Variants in CCDC62 observed in about 807,000 individuals in gnomAD.
CCDC62 encodes coiled-coil domain containing 62.
CCDC62 carries 72 observed loss-of-function variants against 80.8 expected under a neutral mutation model. The observed-to-expected ratio is 0.89, with a 90% CI of 0.74 to 1.08. The LOEUF (loss-of-function observed/expected upper bound fraction) is 1.08. CCDC62 is among the 50% of genes least tolerant of loss of function. The probability of loss-of-function intolerance (pLI) is 0.00; values close to 1 mark genes in which losing one functional copy is unlikely to be tolerated. For synonymous variants in CCDC62, 286 were observed against 296.5 expected, an observed-to-expected ratio of 0.96 and a Z score of 0.36; for missense variants, 704 against 809.4, an observed-to-expected ratio of 0.87 and a Z score of 1.58.
At chr12:122,812,453 AAAAG>A (rs2031934388) in intron 10 of CCDC62, among the ~76,000 whole-genome samples, 1 of 151,372 alleles carries the variant, frequency 6.6e-6, no homozygotes, top group African/African-American at 2.4e-5. Context: ...AAAAAAAAAA[AAAAG>A]AGGCCGGGTG....
At chr12:122,806,337 G>C in intron 10 of CCDC62, 42 bp downstream of exon 10, 2 of 1,530,640 alleles carry the variant, frequency 1.3e-6, no homozygotes. Context: ...CTCAAGCCAG[G>C]CCTCTCACCA....
intron 11 of CCDC62, among the ~76,000 whole-genome samples, chr12:122,814,195 T>C (rs12369710): frequency 0.84 from 126,884 of 150,404 alleles, 54,683 homozygotes; most frequent in East Asian, 0.99. Context: ...ACAGGAGAAT[T>C]GCTTGAACCC....
chr12:122,817,664 TCTC>T (rs1255105802), intron 11 of CCDC62, among the ~76,000 whole-genome samples: 1 of 152,182 alleles, frequency 6.6e-6, no homozygotes, highest in Non-Finnish European at 1.5e-5. Flanking sequence ...GCAACAGATG[TCTC>T]CTCCTTGTCC....
At position 122,801,656 on chromosome 12, in the gene CCDC62, T is replaced by G. The variant is rs990690474; in HGVS notation, c.1510T>G (p.Cys504Gly). 1 of 1,614,200 alleles carries G rather than the reference T, an allele frequency of 6.2e-7. No individual in the cohort carries two copies. Among genetic ancestry groups the G allele is most frequent in the African/African-American group, 1.3e-5 (1 of 75,044 alleles). The change falls in exon 9 of 13, where the codon TGT (cysteine) becomes GGT (glycine). Residue 504 changes from cysteine (C) to glycine (G), a missense_variant. Physicochemically the swap from Cys to Gly is radical, Grantham distance 159. Transcript: ENST00000253079. ...CTCATGCTGCCAGAAAAATGAAGCC[T>G]GTCTGGGCGAAAGTGGCATGTGTGA... ...EISCCQKNEA[C>G]LGESGMCDSK... is the part of the protein sequence containing the mutation.
intron 5 of CCDC62, among the ~76,000 whole-genome samples, chr12:122,789,884 A>T (rs916435368): frequency 1.3e-5 from 2 of 152,100 alleles, no homozygotes; most frequent in Middle Eastern, 3.4e-3. Context: ...GCAGGAACAG[A>T]CTCTGCTTCT....
At chr12:122,806,053 C>A in intron 9 of CCDC62, 98 bp from the exon 10 acceptor site, 2 of 1,108,116 alleles carry the variant, frequency 1.8e-6, no homozygotes, top group Non-Finnish European at 2.5e-6. Flanking sequence ...ATAACAAAAA[C>A]ACTTATTTGT....
chr12:122,795,004 A>G (rs1019189694), intron 6 of CCDC62, among the ~76,000 whole-genome samples: 19 of 152,060 alleles, frequency 1.2e-4, no homozygotes, highest in African/African-American at 4.3e-4. Flanking sequence ...AGGGCATAAC[A>G]TGATAATATG....
intron 4 of CCDC62, among the ~76,000 whole-genome samples, chr12:122,786,981 A>C (rs958222412): frequency 6.6e-6 from 1 of 152,164 alleles, no homozygotes; most frequent in Non-Finnish European, 1.5e-5. Flanking sequence ...ATTAAATTAA[A>C]GAGAAAATAT....
At chr12:122,826,331 T>G (rs2032632212) in intron 12 of CCDC62, 91 bp from the exon 13 acceptor site, 2 of 719,818 alleles carry the variant, frequency 2.8e-6, no homozygotes, top group Admixed American at 4.0e-5. Context: ...GATGTAGAGT[T>G]AATATTTTAG....
chr12:122,792,314 G>A (rs1318723906), intron 6 of CCDC62, among the ~76,000 whole-genome samples, 193 bp downstream of exon 6: 2 of 147,076 alleles, frequency 1.4e-5, no homozygotes, highest in Non-Finnish European at 3.0e-5. Flanking sequence ...TCTGCCTCCC[G>A]GGCCCAAGCG....
intron 6 of CCDC62, among the ~76,000 whole-genome samples, chr12:122,792,547 C>T (rs1042722024): frequency 5.3e-5 from 8 of 151,794 alleles, no homozygotes; most frequent in African/African-American, 1.9e-4. Flanking sequence ...GAGACAGAGT[C>T]TCACTCTGTC....
chr12:122,801,157 C>G lies in CCDC62; in HGVS notation c.1011C>G (p.Asn337Lys). The G allele has an allele frequency of 6.2e-7, 1 of 1,611,994 alleles. No individual in the cohort carries two copies. The highest frequency in any genetic ancestry group is 8.5e-7 in the Non-Finnish European group (1 of 1,179,496). ...TGTGTTTATCAGACCTTGAAAATAA[C>G]CACCCAAAAGTCGATATTAAGAGGG... ...RDMCLSDLEN[N>K]HPKVDIKREK... is the part of the protein sequence containing the mutation. The change falls in exon 9 of 13, where the codon AAC becomes AAG. Residue 337 changes from asparagine to lysine, a missense_variant. By Grantham distance (94) the Asn-to-Lys change is moderately conservative. Transcript: ENST00000253079.
At chr12:122,806,034 C>T in intron 9 of CCDC62, 117 bp from the exon 10 acceptor site, 2 of 865,642 alleles carry the variant, frequency 2.3e-6, no homozygotes, top group Non-Finnish European at 3.4e-6. Flanking sequence ...TCAAACTTGA[C>T]CTGCTTCAAT....
chr12:122,814,669 C>T (rs915689650), intron 11 of CCDC62, among the ~76,000 whole-genome samples: 2 of 151,710 alleles, frequency 1.3e-5, no homozygotes, highest in African/African-American at 4.8e-5. Context: ...CACCATGCCT[C>T]ACTAATTTTT....
At chr12:122,817,857 C>T (rs1410654212) in intron 11 of CCDC62, among the ~76,000 whole-genome samples, 1 of 152,028 alleles carries the variant, frequency 6.6e-6, no homozygotes. Flanking sequence ...TCAGAGTGCA[C>T]GTCAGGTAGC....
intron 6 of CCDC62, among the ~76,000 whole-genome samples, chr12:122,795,906 C>T (rs763117527): frequency 9.9e-5 from 15 of 152,120 alleles, no homozygotes; most frequent in Non-Finnish European, 2.2e-4. Flanking sequence ...AGGTTCCAGG[C>T]GTCTAAGTCC....
rs556108542 is a variant in CCDC62, at chr12:122,780,362, C to A, written c.230-802C>A. Among the ~76,000 whole-genome samples, 3 of 150,670 alleles carry A rather than the reference C, an allele frequency of 2.0e-5. No homozygotes were observed. In the South Asian group the frequency reaches 6.3e-4, roughly 31 times the overall value. ...GGCATGGTGGCTCACGCCTGTAATCCCAGCACTTTGGGAGGCCGAGGTGGG... is the reference window on the plus strand; with the variant it reads ...GGCATGGTGGCTCACGCCTGTAATCACAGCACTTTGGGAGGCCGAGGTGGG... On this transcript the variant is annotated intron_variant, in intron 2 of 12. Coordinates refer to ENST00000253079, the MANE Select transcript of CCDC62 (RefSeq NM_201435.5).
At chr12:122,797,464 T>C (rs2031032348) in intron 7 of CCDC62, 69 bp downstream of exon 7, 1 of 826,810 alleles carries the variant, frequency 1.2e-6, no homozygotes, top group Non-Finnish European at 2.1e-6. Context: ...TTAGGAAAAA[T>C]GTATGCCCGT....
chr12:122,814,295 AAAAAAAG>A (rs1170801362), intron 11 of CCDC62, among the ~76,000 whole-genome samples: 18 of 38,614 alleles, frequency 4.7e-4, no homozygotes, highest in East Asian at 0.015. Context: ...AAAAAAAAAA[AAAAAAAG>A]AGAGAGAGAA....
Sources: gnomAD v4.1 joint callset for allele counts (sites outside exome capture counted in the v4.1 genomes callset) on GRCh38, gnomAD v4.1.1 for gene constraint, MANE v1.5 for transcripts, NCBI Gene and HGNC (gene_info 2026-07-23, HGNC 2026-07-21) for gene names.